The following SRGAP3 variants were observed in gnomAD, a reference collection of about 807,000 sequenced individuals.
SRGAP3 encodes SLIT-ROBO Rho GTPase activating protein 3.
In SRGAP3, 39 loss-of-function variants were observed where a neutral mutation model predicts 121.1. The observed-to-expected ratio is 0.32, with a 90% CI of 0.25 to 0.42. The LOEUF is 0.42. SRGAP3 is among the 10% of genes least tolerant of loss of function. SRGAP3 has a pLI of 1.00. For synonymous variants in SRGAP3, 601 were observed against 570.0 expected, an observed-to-expected ratio of 1.05 and a Z score of -0.77; for missense variants, 1,213 against 1,470.6, an observed-to-expected ratio of 0.82 and a Z score of 2.86.
chr3:9,343,805 G>C (rs1955833660), intron 1 of SRGAP3, among the ~76,000 whole-genome samples: 1 of 152,116 alleles, frequency 6.6e-6, no homozygotes, highest in Non-Finnish European at 1.5e-5. Flanking sequence ...CGAGGAGCAG[G>C]ACTACAGCGC....
chr3:9,027,307 G>A (rs1162379508), intron 12 of SRGAP3, among the ~76,000 whole-genome samples: 1 of 152,192 alleles, frequency 6.6e-6, no homozygotes, highest in African/African-American at 2.4e-5. Flanking sequence ...ACCTCGGGGG[G>A]GTGCTGGAGT....
intron 3 of SRGAP3, among the ~76,000 whole-genome samples, chr3:9,082,481 T>TA (rs1296450325): frequency 6.6e-6 from 1 of 152,254 alleles, no homozygotes; most frequent in African/African-American, 2.4e-5. Context: ...GTCTTGCTCT[T>TA]AGACTTCCCA....
At position 9,324,390 on chromosome 3, in the gene SRGAP3, T is replaced by C. The variant is rs780727123; in HGVS notation, n.442+1620A>G. ...TATCACTATTGTAAATGTACTTACA[T>C]GGTTTTGAAACCCACTGGGAAACAG... On this transcript the variant is annotated intron_variant and non_coding_transcript_variant, in intron 3 of 3. Coordinates refer to the SRGAP3 transcript ENST00000490889. Among the ~76,000 whole-genome samples, 14 of 151,856 alleles carry C rather than the reference T, an allele frequency of 9.2e-5. 1 individual carries two copies. Among genetic ancestry groups the C allele is most frequent in the Non-Finnish European group, 1.8e-4 (12 of 68,008 alleles).
chr3:9,163,069 T>G (rs1950651130), intron 1 of SRGAP3, among the ~76,000 whole-genome samples: 1 of 152,222 alleles, frequency 6.6e-6, no homozygotes. Context: ...GAAGACTATG[T>G]GGGCTGATAC....
intron 1 of SRGAP3, among the ~76,000 whole-genome samples, chr3:9,248,506 C>T (rs1452187574): frequency 6.6e-6 from 1 of 152,124 alleles, no homozygotes; most frequent in East Asian, 1.9e-4. Flanking sequence ...AAAAAATACC[C>T]CAATATTAAA....
chr3:9,025,201 C>T (rs1574931054), intron 14 of SRGAP3, 60 bp downstream of exon 14: 21 of 1,574,608 alleles, frequency 1.3e-5, no homozygotes, highest in Middle Eastern at 1.7e-4. Flanking sequence ...CTGAGACACA[C>T]GTGAATATTC....
At chr3:9,125,802 C>T (rs747727724) in intron 1 of SRGAP3, among the ~76,000 whole-genome samples, 3 of 152,220 alleles carry the variant, frequency 2.0e-5, no homozygotes, top group Non-Finnish European at 2.9e-5. Flanking sequence ...AAGCACTCTG[C>T]TCACACCAGC....
intron 1 of SRGAP3, among the ~76,000 whole-genome samples, chr3:9,347,321 T>C (rs1004998391): frequency 1.3e-5 from 2 of 152,244 alleles, no homozygotes; most frequent in Non-Finnish European, 2.9e-5. Context: ...CCACCATGCC[T>C]GGCTGGTGAG....
chr3:8,995,397 G>C (rs1351161643), intron 18 of SRGAP3, among the ~76,000 whole-genome samples: 1 of 152,168 alleles, frequency 6.6e-6, no homozygotes, highest in African/African-American at 2.4e-5. Flanking sequence ...GATCACTTGA[G>C]CCTGGGAGGT....
chr3:9,272,507 C>T (rs890574246), intron 3 of SRGAP3, among the ~76,000 whole-genome samples: 8 of 152,138 alleles, frequency 5.3e-5, no homozygotes, highest in African/African-American at 1.2e-4. Flanking sequence ...TTACAGTATT[C>T]GTCTTTTTGT....
Position 9,124,705 on chromosome 3 carries a change from A to T in SRGAP3, c.260+20T>A. On this transcript the variant is annotated intron_variant, in intron 2 of 21. Coordinates refer to ENST00000383836, the MANE Select transcript of SRGAP3 (RefSeq NM_014850.4). Reference sequence around the variant, plus strand: ...CCAGTGCTGCCTCCCATCTCTGTGCACCCATACCCAACTTCTTACTTGAAC... The same window carrying T: ...CCAGTGCTGCCTCCCATCTCTGTGCTCCCATACCCAACTTCTTACTTGAAC... The T allele has an allele frequency of 6.2e-7, 1 of 1,613,602 alleles. No individual in the cohort carries two copies. The highest frequency in any genetic ancestry group is 1.7e-4 in the Middle Eastern group (1 of 6,058).
At chr3:9,003,346 T>C (rs9857721) in intron 18 of SRGAP3, among the ~76,000 whole-genome samples, 9,522 of 152,068 alleles carry the variant, frequency 0.063, 982 homozygotes, top group African/African-American at 0.21. Context: ...TGGTATGGTA[T>C]CGGGCACCTG....
At chr3:9,157,308 G>A (rs751596219) in intron 1 of SRGAP3, among the ~76,000 whole-genome samples, 1 of 152,088 alleles carries the variant, frequency 6.6e-6, no homozygotes, top group East Asian at 1.9e-4. Flanking sequence ...CAGATCTCAT[G>A]AGAACTCACT....
chr3:9,007,687 C>T (rs1428163345), intron 18 of SRGAP3: 3 of 152,102 alleles, frequency 2.0e-5, no homozygotes, highest in Admixed American at 6.5e-5. Context: ...CATATGTCAC[C>T]TCATTTTAAC....
intron 1 of SRGAP3, among the ~76,000 whole-genome samples, chr3:9,226,909 A>G (rs1052912451): frequency 6.6e-6 from 1 of 152,146 alleles, no homozygotes; most frequent in Admixed American, 6.5e-5. Context: ...GCAACCTGCT[A>G]TTCACCTTCT....
intron 12 of SRGAP3, among the ~76,000 whole-genome samples, chr3:9,027,404 C>T (rs960679530): frequency 6.6e-6 from 1 of 152,180 alleles, no homozygotes; most frequent in African/African-American, 2.4e-5. Flanking sequence ...AGTCCTCATC[C>T]TATTACTGCA....
intron 1 of SRGAP3, among the ~76,000 whole-genome samples, chr3:9,205,192 T>G (rs751647562): frequency 6.6e-6 from 1 of 152,212 alleles, no homozygotes; most frequent in Non-Finnish European, 1.5e-5. Flanking sequence ...AATTTCCTAG[T>G]AGCCACACTA....
chr3:9,092,378 C>A (rs1216491518), intron 3 of SRGAP3, among the ~76,000 whole-genome samples: 1 of 152,076 alleles, frequency 6.6e-6, no homozygotes, highest in Non-Finnish European at 1.5e-5. Context: ...ATAATACATA[C>A]CATTGTGGAT....
chr3:9,310,129 A>G (rs1484441090), intron 3 of SRGAP3, among the ~76,000 whole-genome samples: 1 of 152,196 alleles, frequency 6.6e-6, no homozygotes, highest in Non-Finnish European at 1.5e-5. Context: ...CTCTGAGCTC[A>G]TTAAGCTAAT....
Sources: gnomAD v4.1 joint callset for allele counts (sites outside exome capture counted in the v4.1 genomes callset) on GRCh38, gnomAD v4.1.1 for gene constraint, MANE v1.5 for transcripts, NCBI Gene and HGNC (gene_info 2026-07-23, HGNC 2026-07-21) for gene names.